The following ATP8B2 variants were observed in gnomAD, a reference collection of about 807,000 sequenced individuals.
ATP8B2 encodes ATPase phospholipid transporting 8B2, also known as phospholipid-transporting ATPase ID.
Under a neutral mutation model 133.4 loss-of-function variants are expected in ATP8B2, and 70 were observed. That is an observed-to-expected ratio of 0.52 (90% CI 0.43 to 0.64). ATP8B2 has a LOEUF of 0.64. ATP8B2 is among the 30% of genes least tolerant of loss of function. The pLI, the probability that ATP8B2 is intolerant of heterozygous loss-of-function variation, is 0.00. For missense variants in ATP8B2, 1,101 were observed against 1,535.7 expected (o/e 0.72, Z 4.73); for synonymous variants, 517 against 589.5 (o/e 0.88, Z 1.78).
At position 154,346,908 on chromosome 1, in the gene ATP8B2, T is replaced by A; in HGVS notation, c.3163+150T>A. 2.0e-6 allele frequency: 2 copies of A among 1,010,368 alleles called. No homozygotes were observed. Among genetic ancestry groups the A allele is most frequent in the Non-Finnish European group, 2.7e-6 (2 of 740,714 alleles). 62.6% of individuals were successfully genotyped at this position (1,010,368 alleles called of 1,614,324 possible). ...TTATTTATTTATTTTCGAGAAGGAGTCTTGCCCAGGCTGGAGTGCAGTGGT... is the reference window on the plus strand; with the variant it reads ...TTATTTATTTATTTTCGAGAAGGAGACTTGCCCAGGCTGGAGTGCAGTGGT... On this transcript the variant is annotated intron_variant, in intron 26 of 27. Transcript: ENST00000368489. The surrounding 1 kb of genome is among the most constrained non-coding windows in gnomAD (Gnocchi z 4.5).
At chr1:154,333,926 C>T (rs531721154) in intron 9 of ATP8B2, among the ~76,000 whole-genome samples, 181 bp from the exon 10 acceptor site, 22 of 152,302 alleles carry the variant, frequency 1.4e-4, no homozygotes, top group Non-Finnish European at 2.4e-4. Context: ...TGAGCTGCCG[C>T]GCCCGGCCTG....
At position 154,331,289 on chromosome 1, in the gene ATP8B2, CTTT is replaced by C. The variant is rs1389560822; in HGVS notation, c.303+146_303+148del. The stretch of plus-strand genomic sequence containing the variant: ...CCCGGTCCAGCTAGATCCATGATGT[CTTT>C]TTGCTGAGCGTGGGGAGAGGGAATC... On this transcript the variant is annotated intron_variant, in intron 5 of 27. Transcript: ENST00000368489. This position sits in a 1 kb window ranked among gnomAD's most constrained non-coding sequence, Gnocchi z 4.8. The C allele has an allele frequency of 1.8e-6, 2 of 1,135,892 alleles. No individual in the cohort carries two copies. Among genetic ancestry groups the C allele is most frequent in the African/African-American group, 3.1e-5 (2 of 65,022 alleles). The allele number at this position is 1,135,892 out of a possible 1,614,324, so 70.4% of individuals were successfully genotyped here.
At chr1:154,326,283 C>T (rs1170678058) in intron 1 of ATP8B2, among the ~76,000 whole-genome samples, 1 of 152,158 alleles carries the variant, frequency 6.6e-6, no homozygotes, top group East Asian at 1.9e-4. Context: ...GTTCCATTTC[C>T]TCCTGTTTCC....
At position 154,344,943 on chromosome 1, in the gene ATP8B2, G is replaced by A. The variant is rs758250384; in HGVS notation, c.2287-28G>A. 5 of 1,593,780 alleles carry A rather than the reference G, an allele frequency of 3.1e-6. No homozygotes were observed. Among genetic ancestry groups the A allele is most frequent in the East Asian group, 2.2e-5 (1 of 44,696 alleles). On this transcript the variant is annotated intron_variant, in intron 21 of 27. Transcript: ENST00000368489. The surrounding 1 kb of genome is among the most constrained non-coding windows in gnomAD (Gnocchi z 4.1). ...CTCCCAGGTGTCTCCTGGAAAGACT[G>A]GCTCTCTCAGGTTTCTCTGTGCTCC...
In ATP8B2 at chr1:154,349,053, C is replaced by T. The variant is rs367887345; in HGVS notation, c.3508C>T (p.Arg1170Cys). 3.2e-5 allele frequency: 51 copies of T among 1,614,118 alleles called. No individual in the cohort carries two copies. The highest frequency in any genetic ancestry group is 5.5e-5 in the South Asian group (5 of 91,094). The part of the protein sequence containing the change: ...RSSSSWIESL[R>C]RKKSDSASSP... ...CAGCTCCAGCTGGATTGAGAGCCTG[C>T]GCAGGAAGAAGAGTGACAGTGCCAG... Residue 1170 changes from arginine (R) to cysteine (C), a missense_variant, in exon 28 of 28, where the codon CGC (arginine) becomes TGC (cysteine). Physicochemically the swap from Arg to Cys is radical, Grantham distance 180 (BLOSUM62 -3). Transcript: ENST00000368489.
In ATP8B2 at chr1:154,331,153, G is replaced by A. The variant is rs771329001; in HGVS notation, c.303+7G>A. On this transcript the variant is annotated splice_region_variant and intron_variant, in intron 5 of 27. Coordinates refer to ENST00000368489, the MANE Select transcript of ATP8B2 (RefSeq NM_001370597.1). This position sits in a 1 kb window ranked among gnomAD's most constrained non-coding sequence, Gnocchi z 4.8. ...AGATGCCACTGATGACTATGTGAGT[G>A]GTTTTCATTCTTCTATTTTGTCCCA... is the stretch of plus-strand genomic sequence containing the variant. 1.9e-6 allele frequency: 3 copies of A among 1,611,292 alleles called. No individual in the cohort carries two copies. Among genetic ancestry groups the A allele is most frequent in the South Asian group, 1.1e-5 (1 of 90,990 alleles).
At chr1:154,342,217 C>T (rs1233451326) in intron 13 of ATP8B2, among the ~76,000 whole-genome samples, 1 of 151,624 alleles carries the variant, frequency 6.6e-6, no homozygotes, top group Non-Finnish European at 1.5e-5. Context: ...GGGGGTGCCG[C>T]CTAGGGTAGA....
Position 154,346,363 on chromosome 1 carries a change from A to C in ATP8B2, c.2911A>C (p.Ile971Leu). 6.2e-7 allele frequency: 1 copy of C among 1,614,136 alleles called. No individual in the cohort carries two copies. Among genetic ancestry groups the C allele is most frequent in the Non-Finnish European group, 8.5e-7 (1 of 1,180,044 alleles). The change falls in exon 25 of 28, where the codon ATT becomes CTT. Residue 971 changes from isoleucine to leucine, a missense_variant. By Grantham distance (5) the Ile-to-Leu change is conservative. Transcript: ENST00000368489. The surrounding 1 kb of genome is among the most constrained non-coding windows in gnomAD (Gnocchi z 4.5). ...GIYTSVLMFF[I>L]PYGVFADATR... Reference sequence around the variant, plus strand: ...CTACACCTCCGTGCTCATGTTCTTCATTCCCTATGGGGTGTTTGCTGATGC... The same window carrying C: ...CTACACCTCCGTGCTCATGTTCTTCCTTCCCTATGGGGTGTTTGCTGATGC...
chr1:154,340,366 C>T lies in ATP8B2; in HGVS notation c.1035-488C>T, dbSNP rs1027063448. Among the ~76,000 whole-genome samples, 7 of 152,282 alleles carry T rather than the reference C, an allele frequency of 4.6e-5. No homozygotes were observed. Among genetic ancestry groups the T allele is most frequent in the Middle Eastern group, 3.4e-3 (1 of 294 alleles). ...CACCCAGCCTGTGGTGGGACAGTGACGAGTGGGCTTCAAGCCTTCTCCATT... is the reference window on the plus strand; with the variant it reads ...CACCCAGCCTGTGGTGGGACAGTGATGAGTGGGCTTCAAGCCTTCTCCATT... On this transcript the variant is annotated intron_variant, in intron 12 of 27. Coordinates refer to ENST00000368489, the MANE Select transcript of ATP8B2 (RefSeq NM_001370597.1). The surrounding 1 kb of genome is among the most constrained non-coding windows in gnomAD (Gnocchi z 4.0).
rs140156195 is a variant in ATP8B2 at position 154,345,577 on chromosome 1, A to G, written c.2694+32A>G. 222 of 1,572,900 alleles carry G rather than the reference A, an allele frequency of 1.4e-4. No individual in the cohort carries two copies. In the African/African-American group the frequency reaches 2.6e-3, roughly 19 times the overall value. ...AATGTTCCCAGTCCACTGTTGTGCA[A>G]ATCTGTAAACCTGAGGGCAGAGGTT... On this transcript the variant is annotated intron_variant, in intron 23 of 27. Transcript: ENST00000368489. This position sits in a 1 kb window ranked among gnomAD's most constrained non-coding sequence, Gnocchi z 5.6.
chr1:154,336,206 A>C (rs899674708), intron 11 of ATP8B2, among the ~76,000 whole-genome samples: 5 of 152,148 alleles, frequency 3.3e-5, no homozygotes, highest in Admixed American at 3.3e-4. Flanking sequence ...GGACTCTGGA[A>C]GGTTTCAAGG....
At position 154,344,239 on chromosome 1, in the gene ATP8B2, A is replaced by G. The variant is rs761581408; in HGVS notation, c.2020A>G (p.Thr674Ala). 1 of 1,614,206 alleles carries G rather than the reference A, an allele frequency of 6.2e-7. No individual in the cohort carries two copies. Among genetic ancestry groups the G allele is most frequent in the Admixed American group, 1.7e-5 (1 of 60,020 alleles). ...TLANIKIWVL[T>A]GDKQETAVNI... is the part of the protein sequence containing the mutation. ...GGCCAACATCAAGATTTGGGTGCTA[A>G]CCGGAGACAAGCAAGGTGAGAGCCC... Residue 674 changes from threonine (T) to alanine (A), a missense_variant, in exon 19 of 28, where the codon ACC becomes GCC. Transcript: ENST00000368489. This position sits in a 1 kb window ranked among gnomAD's most constrained non-coding sequence, Gnocchi z 4.1.
intron 11 of ATP8B2, among the ~76,000 whole-genome samples, chr1:154,337,100 T>C (rs886609971): frequency 9.7e-6 from 1 of 103,364 alleles, no homozygotes; most frequent in Non-Finnish European, 2.0e-5. Context: ...GCCCAGCCCA[T>C]AATAGTTTTT....
Position 154,344,074 on chromosome 1 carries a change from G to A in ATP8B2, c.1923+17G>A, listed in dbSNP as rs367650067. ...AACATGATGGTACGGGCTGCGGGAC[G>A]GGCCAAGGATGGGCACGGAGGGCTC... On this transcript the variant is annotated intron_variant, in intron 18 of 27. Transcript: ENST00000368489. The surrounding 1 kb of genome is among the most constrained non-coding windows in gnomAD (Gnocchi z 4.1). 101 of 1,613,964 alleles carry A rather than the reference G, an allele frequency of 6.3e-5. No homozygotes were observed. Among genetic ancestry groups the A allele is most frequent in the East Asian group, 3.1e-4 (14 of 44,878 alleles).
chr1:154,330,246 T>G (rs1570847360), intron 2 of ATP8B2, 150 bp from the exon 3 acceptor site: 2 of 631,566 alleles, frequency 3.2e-6, no homozygotes, highest in Non-Finnish European at 5.6e-6. Flanking sequence ...TGGTGAGAGG[T>G]GGACTGGAGG....
intron 26 of ATP8B2, among the ~76,000 whole-genome samples, chr1:154,347,976 G>A (rs1267659819): frequency 6.6e-6 from 1 of 150,730 alleles, no homozygotes; most frequent in Non-Finnish European, 1.5e-5. Flanking sequence ...TAGATTGAAT[G>A]TGGGGTCCAA....
At chr1:154,338,240 G>C (rs1364760592) in intron 12 of ATP8B2, among the ~76,000 whole-genome samples, 1 of 152,226 alleles carries the variant, frequency 6.6e-6, no homozygotes, top group Non-Finnish European at 1.5e-5. Context: ...ATGGGAGCCT[G>C]GGAATGGCCT....
At chr1:154,338,043 A>G (rs1221925235) in intron 12 of ATP8B2, among the ~76,000 whole-genome samples, 1 of 152,230 alleles carries the variant, frequency 6.6e-6, no homozygotes, top group African/African-American at 2.4e-5. Context: ...AGATCTGGAC[A>G]GTGTCAGACT....
At chr1:154,333,085 G>A (rs991474797) in intron 9 of ATP8B2, among the ~76,000 whole-genome samples, 6 of 152,168 alleles carry the variant, frequency 3.9e-5, no homozygotes, top group African/African-American at 1.4e-4. Flanking sequence ...CGAGGTGGGC[G>A]GATTGCCTGA....
Sources: gnomAD v4.1 joint callset for allele counts (sites outside exome capture counted in the v4.1 genomes callset) on GRCh38, gnomAD v4.1.1 for gene constraint, Gnocchi (gnomAD v3.1) non-coding constraint, MANE v1.5 for transcripts, NCBI Gene and HGNC (gene_info 2026-07-23, HGNC 2026-07-21) for gene names.